MBNL2: variants seen among roughly 807,000 people sequenced by gnomAD.
The protein encoded by MBNL2 is muscleblind-like protein 2.
Under a neutral mutation model 41.9 loss-of-function variants are expected in MBNL2, and 17 were observed. That is an observed-to-expected ratio of 0.41 (90% CI 0.28 to 0.61). The LOEUF is 0.61. Among genes scored for constraint, MBNL2 ranks in the 20% least tolerant of loss-of-function variants. The pLI, the probability that MBNL2 is intolerant of heterozygous loss-of-function variation, is 0.35. For synonymous variants in MBNL2, 195 were observed against 182.9 expected, an observed-to-expected ratio of 1.07 and a Z score of -0.53; for missense variants, 336 against 505.6, an observed-to-expected ratio of 0.66 and a Z score of 3.22.
intron 1 of MBNL2, among the ~76,000 whole-genome samples, chr13:97,271,112 G>GTTTTTTTTTTTT (rs369155404): frequency 1.5e-5 from 2 of 133,398 alleles, no homozygotes; most frequent in Non-Finnish European, 3.2e-5. Context: ...GCTCTTTTTT[G>GTTTTTTTTTTTT]TTTTTTTTTT....
intron 1 of MBNL2, among the ~76,000 whole-genome samples, chr13:97,254,193 A>T (rs955297302): frequency 2.0e-5 from 3 of 152,216 alleles, no homozygotes; most frequent in African/African-American, 7.2e-5. Context: ...AGCCCAATGC[A>T]AATTTTTAAA....
At chr13:97,312,691 A>C (rs1380902336) in intron 2 of MBNL2, among the ~76,000 whole-genome samples, 1 of 152,226 alleles carries the variant, frequency 6.6e-6, no homozygotes. Context: ...CCCACAACTT[A>C]GATTCATTTT....
At chr13:97,152,429 A>G in the MBNL2 span, among the ~76,000 whole-genome samples, 1 of 152,180 alleles carries the variant, frequency 6.6e-6, no homozygotes, top group Non-Finnish European at 1.5e-5. Flanking sequence ...ATGAGTTTTC[A>G]CATTAAAAGT....
chr13:97,373,442 G>T (rs1005555512), intron 8 of MBNL2, among the ~76,000 whole-genome samples: 3 of 151,002 alleles, frequency 2.0e-5, no homozygotes, highest in African/African-American at 7.3e-5. Flanking sequence ...GATTGAGATT[G>T]AAACCTGCAC....
At chr13:97,280,951 T>C (rs1285033256) in intron 2 of MBNL2, among the ~76,000 whole-genome samples, 1 of 152,182 alleles carries the variant, frequency 6.6e-6, no homozygotes, top group East Asian at 1.9e-4. Flanking sequence ...GCTTTACTGC[T>C]CCCCCTAACA....
chr13:97,274,814 C>A (rs751699782), intron 1 of MBNL2, among the ~76,000 whole-genome samples: 2 of 152,156 alleles, frequency 1.3e-5, no homozygotes, highest in Non-Finnish European at 2.9e-5. Flanking sequence ...AACTTACTGA[C>A]TATATTTTTG....
chr13:97,340,618 A>G (rs2061371378), intron 3 of MBNL2, among the ~76,000 whole-genome samples: 1 of 152,192 alleles, frequency 6.6e-6, no homozygotes, highest in Non-Finnish European at 1.5e-5. Flanking sequence ...TACTCATTGC[A>G]GATAAGAAAA....
intron 2 of MBNL2, among the ~76,000 whole-genome samples, chr13:97,281,468 A>G (rs1006114307): frequency 3.3e-5 from 5 of 152,202 alleles, no homozygotes; most frequent in South Asian, 2.1e-4. Context: ...TGCAGAAACT[A>G]CTTTTTTTCT....
intron 1 of MBNL2, among the ~76,000 whole-genome samples, chr13:97,226,483 G>C (rs565040667): frequency 6.6e-6 from 1 of 152,258 alleles, no homozygotes; most frequent in African/African-American, 2.4e-5. Context: ...CCTAATACCT[G>C]CCTTTGTGTG....
chr13:97,214,121 A>G, the MBNL2 span, among the ~76,000 whole-genome samples: 1 of 152,242 alleles, frequency 6.6e-6, no homozygotes, highest in Non-Finnish European at 1.5e-5. Flanking sequence ...AGACCCTTTG[A>G]TTCCATTAAA....
rs1008527486 is a variant in MBNL2, at chr13:97,291,334, C to T, written c.174+14925C>T. Among the ~76,000 whole-genome samples the T allele has an allele frequency of 7.9e-5, 12 of 152,032 alleles. No individual in the cohort carries two copies. In the East Asian group the frequency reaches 2.3e-3, roughly 30 times the overall value. On this transcript the variant is annotated intron_variant, in intron 2 of 8. Coordinates refer to ENST00000679496, the MANE Select transcript of MBNL2 (RefSeq NM_001382683.1). Reference sequence around the variant, plus strand: ...TTGGCTCACTGTACCCTCTGCCTCCCGGGTTCAAGCGATTCTCCTGCCTCA... The same window carrying T: ...TTGGCTCACTGTACCCTCTGCCTCCTGGGTTCAAGCGATTCTCCTGCCTCA...
chr13:97,155,540 T>TC, the MBNL2 span, among the ~76,000 whole-genome samples: 2 of 138,526 alleles, frequency 1.4e-5, no homozygotes, highest in East Asian at 2.5e-4. Flanking sequence ...ATGCTATCCC[T>TC]CCCCCCTCCC....
At chr13:97,285,708 A>G (rs930243533) in intron 2 of MBNL2, among the ~76,000 whole-genome samples, 15 of 151,886 alleles carry the variant, frequency 9.9e-5, no homozygotes, top group African/African-American at 3.6e-4. Flanking sequence ...CACTGGGAAT[A>G]TAACAGCATA....
chr13:97,251,943 C>T (rs868160971), intron 1 of MBNL2, among the ~76,000 whole-genome samples: 4 of 148,716 alleles, frequency 2.7e-5, no homozygotes, highest in Middle Eastern at 6.9e-3. Flanking sequence ...CTCCGCTTCC[C>T]GGGTTCACGC....
chr13:97,362,351 G>T (rs554314829), intron 7 of MBNL2, among the ~76,000 whole-genome samples: 1 of 152,108 alleles, frequency 6.6e-6, no homozygotes, highest in Non-Finnish European at 1.5e-5. Context: ...GTAGAGTTCA[G>T]TGAGATTAAA....
At chr13:97,353,980 T>C (rs911410403) in intron 5 of MBNL2, among the ~76,000 whole-genome samples, 1 of 151,244 alleles carries the variant, frequency 6.6e-6, no homozygotes, top group Non-Finnish European at 1.5e-5. Flanking sequence ...TTGCCTATCA[T>C]GTCTGATGTA....
At chr13:97,244,292 G>C (rs1229798138) in intron 1 of MBNL2, among the ~76,000 whole-genome samples, 1 of 152,100 alleles carries the variant, frequency 6.6e-6, no homozygotes, top group African/African-American at 2.4e-5. Context: ...TTTCAAACAC[G>C]ATGACTTTTG....
upstream of MBNL2, among the ~76,000 whole-genome samples, chr13:97,218,440 C>CAA (rs372883729): frequency 1.9e-4 from 22 of 117,968 alleles, no homozygotes; most frequent in Non-Finnish European, 2.4e-4. Flanking sequence ...CAAAACAAAA[C>CAA]AAAAAAAAAA....
chr13:97,142,425 T>G, the MBNL2 span, among the ~76,000 whole-genome samples: 1 of 152,218 alleles, frequency 6.6e-6, no homozygotes, highest in Admixed American at 6.5e-5. Flanking sequence ...CTAAACAATC[T>G]CCACTAGGTT....
Sources: gnomAD v4.1 joint callset for allele counts (sites outside exome capture counted in the v4.1 genomes callset) on GRCh38, gnomAD v4.1.1 for gene constraint, MANE v1.5 for transcripts, NCBI Gene and HGNC (gene_info 2026-07-23, HGNC 2026-07-21) for gene names.